Variants in MUC3A observed in about 807,000 individuals in gnomAD.
The protein encoded by MUC3A is mucin 3A, cell surface associated.
A neutral mutation model predicts 109.0 loss-of-function variants in MUC3A; 109 were observed. That is an observed-to-expected ratio of 1.00 (90% CI 0.86 to 1.17). MUC3A has a LOEUF of 1.17. MUC3A is among the 50% of genes most tolerant of loss of function. The pLI is 0.00. For missense variants in MUC3A, 3,537 were observed against 2,469.4 expected (o/e 1.43, Z -9.16); for synonymous variants, 1,398 against 981.4 (o/e 1.42, Z -7.93).
At position 100,957,173 on chromosome 7, in the gene MUC3A, ATCT is replaced by A. The variant is rs1792119310; in HGVS notation, c.5398_5400del (p.Ser1800del). 3 of 449,136 alleles carry A rather than the reference ATCT, an allele frequency of 6.7e-6. No individual in the cohort carries two copies. Among genetic ancestry groups the A allele is most frequent in the Non-Finnish European group, 1.2e-5 (3 of 257,354 alleles). The allele number at this position is 449,136 out of a possible 1,614,324, so 27.8% of individuals were successfully genotyped here. ...TACCATCATTTACCAGTAGCGTTTC[ATCT>A]TCTACGCCTGTCCCAAGTACAGAAG... On this transcript the variant is annotated inframe_deletion, in exon 2 of 12. Coordinates refer to ENST00000379458, the MANE Select transcript of MUC3A (RefSeq NM_005960.2).
intron 5 of MUC3A, chr7:100,964,471 G>A (rs1434177947): frequency 1.5e-6 from 1 of 680,872 alleles, no homozygotes; most frequent in Non-Finnish European, 2.3e-6. Flanking sequence ...AAAACACACA[G>A]AGAGAGGAAG....
chr7:100,964,387 G>C (rs1172699588), intron 5 of MUC3A: 1 of 375,598 alleles, frequency 2.7e-6, no homozygotes, highest in Non-Finnish European at 4.7e-6. Flanking sequence ...TTTAGCCCAG[G>C]AGTTGGAGGC....
chr7:100,961,246 T>A (rs2116207365), intron 3 of MUC3A, among the ~76,000 whole-genome samples: 1 of 152,420 alleles, frequency 6.6e-6, no homozygotes, highest in Admixed American at 6.5e-5. Flanking sequence ...CACGACATTA[T>A]CATGTTAGAA....
chr7:100,967,284 A>T lies in MUC3A; in HGVS notation c.*122A>T. 6.9e-7 allele frequency: 1 copy of T among 1,455,092 alleles called. No individual in the cohort carries two copies. Among genetic ancestry groups the T allele is most frequent in the Non-Finnish European group, 9.3e-7 (1 of 1,075,790 alleles). 90.1% of individuals were successfully genotyped at this position (1,455,092 alleles called of 1,614,324 possible). A position where few individuals can be genotyped will look rare whatever the true frequency, so the allele number is the denominator to read the frequency against. On this transcript the variant is annotated 3_prime_UTR_variant, in exon 12 of 12. Transcript: ENST00000379458. ...CCCAGGCTCCTGCTGTTCTTGGGCA[A>T]GATGAGACTGTTCCCCCAAATCCCA...
Position 100,965,279 on chromosome 7 carries a change from C to A in MUC3A, c.9383-3C>A, listed in dbSNP as rs1328784395. 2.5e-6 allele frequency: 4 copies of A among 1,598,902 alleles called. No homozygotes were observed. The East Asian group carries it at 8.9e-5, about 36-fold the overall frequency. Reference sequence around the variant, plus strand: ...CATTCCATCTGTGCCTGTGTTTCCGCAGCCCTGTGTTTTAAGCCTGACTCC... The same window carrying A: ...CATTCCATCTGTGCCTGTGTTTCCGAAGCCCTGTGTTTTAAGCCTGACTCC... On this transcript the variant is annotated splice_region_variant and splice_polypyrimidine_tract_variant and intron_variant, in intron 6 of 11. Coordinates refer to ENST00000379458, the MANE Select transcript of MUC3A (RefSeq NM_005960.2).
In MUC3A at chr7:100,957,792, A is replaced by T; in HGVS notation, c.6013A>T (p.Ser2005Cys). Residue 2005 changes from serine (S) to cysteine (C), a missense_variant, in exon 2 of 12, where the codon AGT becomes TGT. Ser to Cys is a moderately radical substitution (Grantham distance 112). Coordinates refer to ENST00000379458, the MANE Select transcript of MUC3A (RefSeq NM_005960.2). ...LITTTTTTSH[S>C]TPSFTSSITT... ...CACCACAACCACCACCACCTCACAC[A>T]GTACTCCCAGCTTCACTTCTTCCAT... 6.9e-6 allele frequency: 8 copies of T among 1,167,518 alleles called. No homozygotes were observed. In the Admixed American group the frequency reaches 1.4e-4, roughly 20 times the overall value. 72.3% of individuals were successfully genotyped at this position (1,167,518 alleles called of 1,614,324 possible).
chr7:100,964,548 C>A (rs1289867943), intron 5 of MUC3A, 147 bp from the exon 6 acceptor site: 7 of 1,338,964 alleles, frequency 5.2e-6, no homozygotes, highest in Middle Eastern at 3.9e-4. Flanking sequence ...CTGGCAGCCC[C>A]TTCTGAAAAG....
intron 6 of MUC3A, 29 bp downstream of exon 6, chr7:100,964,872 G>A (rs1368064661): frequency 6.3e-7 from 1 of 1,579,880 alleles, no homozygotes; most frequent in Non-Finnish European, 8.6e-7. Flanking sequence ...GAGGGGCCAG[G>A]GCCTGAGGTG....
At chr7:100,962,837 T>TTCTC (rs1322865212) in intron 3 of MUC3A, among the ~76,000 whole-genome samples, 1 of 147,354 alleles carries the variant, frequency 6.8e-6, no homozygotes, top group Non-Finnish European at 1.5e-5. Context: ...TTCTTTCTTT[T>TTCTC]TCTCTCTCTC....
Position 100,962,198 on chromosome 7 carries a change from C to G in MUC3A, c.9053-953C>G, listed in dbSNP as rs1429870343. On this transcript the variant is annotated intron_variant, in intron 3 of 11. Coordinates refer to ENST00000379458, the MANE Select transcript of MUC3A (RefSeq NM_005960.2). ...AGTGAGCCGAGATCCCGCCACTGCA[C>G]TCCAGCCTGGGCGACAGAGCGAGAC... Among the ~76,000 whole-genome samples, 2 of 40,556 alleles carry G rather than the reference C, an allele frequency of 4.9e-5. 1 individual carries two copies. The highest frequency in any genetic ancestry group is 1.2e-4 in the Non-Finnish European group (2 of 16,162). The allele number at this position is 40,556 out of a possible 152,430, so 26.6% of individuals were successfully genotyped here. A position where few individuals can be genotyped will look rare whatever the true frequency, so the allele number is the denominator to read the frequency against.
chr7:100,966,071 C>G, intron 8 of MUC3A: 1 of 708,568 alleles, frequency 1.4e-6, no homozygotes. Flanking sequence ...GAGTCCTGTC[C>G]CCTAATTCTG....
rs1337270488 is a variant in MUC3A, at chr7:100,956,224, C to T, written c.4445C>T (p.Pro1482Leu). 1 of 472,154 alleles carries T rather than the reference C, an allele frequency of 2.1e-6. No homozygotes were observed. Among genetic ancestry groups the T allele is most frequent in the African/African-American group, 2.0e-5 (1 of 49,620 alleles). 29.2% of individuals were successfully genotyped at this position (472,154 alleles called of 1,614,324 possible). Residue 1482 changes from proline (P) to leucine (L), a missense_variant, in exon 2 of 12, where the codon CCC (proline) becomes CTC (leucine). Coordinates refer to ENST00000379458, the MANE Select transcript of MUC3A (RefSeq NM_005960.2). Reference sequence around the variant, plus strand: ...GAGTCCACAACTGAAATCACCTATCCCACCACTATGACAGAGACATCATCT... The same window carrying T: ...GAGTCCACAACTGAAATCACCTATCTCACCACTATGACAGAGACATCATCT... ...VTESTTEITY[P>L]TTMTETSSTA...
Position 100,962,188 on chromosome 7 carries a change from C to G in MUC3A, c.9053-963C>G, listed in dbSNP as rs1346848732. Among the ~76,000 whole-genome samples, 6 of 43,106 alleles carry G rather than the reference C, an allele frequency of 1.4e-4. 2 individuals are homozygous for G. Among genetic ancestry groups the G allele is most frequent in the Non-Finnish European group, 2.3e-4 (4 of 17,182 alleles). The allele number at this position is 43,106 out of a possible 152,430, so 28.3% of individuals were successfully genotyped here. ...CGGAGCTTGCAGTGAGCCGAGATCC[C>G]GCCACTGCACTCCAGCCTGGGCGAC... On this transcript the variant is annotated intron_variant, in intron 3 of 11. Coordinates refer to ENST00000379458, the MANE Select transcript of MUC3A (RefSeq NM_005960.2).
In MUC3A at chr7:100,960,452, C is replaced by G. The variant is rs761460251; in HGVS notation, c.8673C>G (p.Leu2891=). Residue 2891 remains leucine (L), a synonymous_variant, in exon 2 of 12, where the codon CTC becomes CTG. Coordinates refer to ENST00000379458, the MANE Select transcript of MUC3A (RefSeq NM_005960.2). ...TTCCTGGCGTCTCTACCATCCCGCT[C>G]ACCATGAAACCAAGCAGTAGCCTCC... ...LPLPGVSTIP[L]TMKPSSSLPT... is the part of the protein sequence containing the mutation. 1 of 1,598,630 alleles carries G rather than the reference C, an allele frequency of 6.3e-7. No homozygotes were observed. The highest frequency in any genetic ancestry group is 8.5e-7 in the Non-Finnish European group (1 of 1,179,822).
At position 100,967,243 on chromosome 7, in the gene MUC3A, C is replaced by T; in HGVS notation, c.*81C>T. The T allele has an allele frequency of 1.3e-6, 2 of 1,581,462 alleles. No individual in the cohort carries two copies. The highest frequency in any genetic ancestry group is 1.7e-6 in the Non-Finnish European group (2 of 1,169,178). On this transcript the variant is annotated 3_prime_UTR_variant, in exon 12 of 12. Coordinates refer to ENST00000379458, the MANE Select transcript of MUC3A (RefSeq NM_005960.2). ...CATTGCGTCCATTTCAAGAGGTGGCCCCAGGACGCGGGCAGCCCAGGCTCC... is the reference window on the plus strand; with the variant it reads ...CATTGCGTCCATTTCAAGAGGTGGCTCCAGGACGCGGGCAGCCCAGGCTCC...
intron 1 of MUC3A, among the ~76,000 whole-genome samples, chr7:100,950,528 C>T (rs1048974420): frequency 7.0e-6 from 1 of 141,992 alleles, no homozygotes; most frequent in Non-Finnish European, 1.5e-5. Context: ...ATCCCTGACC[C>T]CACTTCCCTG....
intron 8 of MUC3A, 183 bp downstream of exon 8, chr7:100,966,049 T>TCGCCCTAAAGTGTAGCCCCACCTCC: frequency 1.2e-6 from 1 of 855,048 alleles, no homozygotes; most frequent in Non-Finnish European, 1.7e-6. Context: ...GCTCTGCTCC[T>TCGCCCTAAAGTGTAGCCCCACCTCC]TTGATGGGGT....
In MUC3A at chr7:100,954,824, T is replaced by G. The variant is rs1276100642; in HGVS notation, c.3045T>G (p.Thr1015=). ...TSPPPVSSSI[T]PTNTMTSMRT... ...CTCCCCCCGTCAGTTCTTCAATCAC[T>G]CCCACCAATACAATGACTTCTATGA... is the stretch of plus-strand genomic sequence containing the variant. Residue 1015 remains threonine, a synonymous_variant, in exon 2 of 12, where the codon ACT becomes ACG. Coordinates refer to ENST00000379458, the MANE Select transcript of MUC3A (RefSeq NM_005960.2). 6.1e-5 allele frequency: 25 copies of G among 406,898 alleles called. No homozygotes were observed. Among genetic ancestry groups the G allele is most frequent in the Non-Finnish European group, 9.5e-5 (22 of 231,690 alleles). 25.2% of individuals were successfully genotyped at this position (406,898 alleles called of 1,614,324 possible). A position where few individuals can be genotyped will look rare whatever the true frequency, so the allele number is the denominator to read the frequency against.
At position 100,965,838 on chromosome 7, in the gene MUC3A, G is replaced by C; in HGVS notation, c.9583G>C (p.Val3195Leu). ...NAIDCHQGQC[V>L]LETSGPTCRC... ...CATCGACTGTCACCAGGGCCAGTGCGTTCTGGAGACGAGCGGTCCCACGTG... is the reference window on the plus strand; with the variant it reads ...CATCGACTGTCACCAGGGCCAGTGCCTTCTGGAGACGAGCGGTCCCACGTG... Residue 3195 changes from valine (V) to leucine (L), a missense_variant, in exon 8 of 12, where the codon GTT becomes CTT. Coordinates refer to ENST00000379458, the MANE Select transcript of MUC3A (RefSeq NM_005960.2). The C allele has an allele frequency of 3.1e-6, 5 of 1,596,410 alleles. No individual in the cohort carries two copies. The highest frequency in any genetic ancestry group is 4.2e-6 in the Non-Finnish European group (5 of 1,178,420).
Sources: allele counts gnomAD v4.1 joint callset (sites outside exome capture counted in the v4.1 genomes callset), GRCh38; gene constraint gnomAD v4.1.1; transcripts MANE v1.5; gene names NCBI Gene and HGNC (gene_info 2026-07-23, HGNC 2026-07-21).